The following GMDS variants were observed in gnomAD, a reference collection of about 807,000 sequenced individuals.
GMDS encodes GDP-mannose 4,6-dehydratase.
GMDS carries 20 observed loss-of-function variants against 49.9 expected under a neutral mutation model. That is an observed-to-expected ratio of 0.40 (90% CI 0.28 to 0.58). The LOEUF (loss-of-function observed/expected upper bound fraction) is 0.58. GMDS is among the 20% of genes least tolerant of loss of function. The pLI is 0.42. For synonymous variants in GMDS, 177 were observed against 178.6 expected, an observed-to-expected ratio of 0.99 and a Z score of 0.07; for missense variants, 362 against 481.4, an observed-to-expected ratio of 0.75 and a Z score of 2.32.
At position 1,624,103 on chromosome 6, in the gene GMDS, G is replaced by C; in HGVS notation, c.*66C>G. On this transcript the variant is annotated 3_prime_UTR_variant, in exon 11 of 11. Coordinates refer to ENST00000380815, the MANE Select transcript of GMDS (RefSeq NM_001500.4). ...TGGCACGCCGCTCCCCATCCCCGCA[G>C]CGCGTCTGCACCGGAGACTCTGCGG... 7.0e-7 allele frequency: 1 copy of C among 1,421,336 alleles called. No individual in the cohort carries two copies. The highest frequency in any genetic ancestry group is 9.8e-7 in the Non-Finnish European group (1 of 1,020,020). 88.0% of individuals were successfully genotyped at this position (1,421,336 alleles called of 1,614,324 possible).
rs143256272 is a variant in GMDS, at chr6:1,942,261, C to G, written c.644-12031G>C. Among the ~76,000 whole-genome samples, 231 of 152,332 alleles carry G rather than the reference C, an allele frequency of 1.5e-3. 1 individual carries two copies. Among genetic ancestry groups the G allele is most frequent in the African/African-American group, 5.3e-3 (220 of 41,576 alleles). ...CTCACTCTTCCATTAGTCAACTGCT[C>G]ATCAAGTCCTTCTGAGTCTGTTTCT... is the stretch of plus-strand genomic sequence containing the variant. On this transcript the variant is annotated intron_variant, in intron 6 of 10. Transcript: ENST00000380815.
intron 7 of GMDS, among the ~76,000 whole-genome samples, chr6:1,757,726 C>T (rs1335903138): frequency 1.3e-5 from 2 of 152,158 alleles, no homozygotes; most frequent in Non-Finnish European, 2.9e-5. Flanking sequence ...AACTTATGGA[C>T]ATCACAGTGC....
At chr6:2,174,520 C>T (rs1411813492) in intron 1 of GMDS, among the ~76,000 whole-genome samples, 1 of 152,072 alleles carries the variant, frequency 6.6e-6, no homozygotes, top group South Asian at 2.1e-4. Flanking sequence ...TAGCCACAAA[C>T]AGGAATAGAA....
At chr6:1,906,481 T>A (rs1158177970) in intron 7 of GMDS, among the ~76,000 whole-genome samples, 1 of 152,256 alleles carries the variant, frequency 6.6e-6, no homozygotes, top group Non-Finnish European at 1.5e-5. Flanking sequence ...ATTCTGTCAT[T>A]GCAGTCAGCA....
chr6:1,746,663 T>G (rs1464096453), intron 7 of GMDS, among the ~76,000 whole-genome samples: 1 of 151,738 alleles, frequency 6.6e-6, no homozygotes, highest in Non-Finnish European at 1.5e-5. Context: ...CAAATCCAAT[T>G]TGGAGAAGTA....
chr6:2,005,205 A>C (rs1003777694), intron 4 of GMDS, among the ~76,000 whole-genome samples: 5 of 152,120 alleles, frequency 3.3e-5, no homozygotes, highest in African/African-American at 1.2e-4. Flanking sequence ...TCAAGTCCTT[A>C]CTCAATGGGG....
At chr6:2,119,510 GA>G (rs1477823995) in intron 2 of GMDS, among the ~76,000 whole-genome samples, 1 of 152,268 alleles carries the variant, frequency 6.6e-6, no homozygotes, top group East Asian at 1.9e-4. Flanking sequence ...AAGAACTAAT[GA>G]AAGCTGGGTC....
intron 9 of GMDS, among the ~76,000 whole-genome samples, chr6:1,628,090 G>A (rs1444929463): frequency 6.6e-6 from 1 of 152,210 alleles, no homozygotes; most frequent in Non-Finnish European, 1.5e-5. Context: ...TACATTTACA[G>A]AGCTGCAAAC....
intron 4 of GMDS, among the ~76,000 whole-genome samples, chr6:2,070,488 T>C (rs1381655774): frequency 6.6e-6 from 1 of 152,134 alleles, no homozygotes; most frequent in Non-Finnish European, 1.5e-5. Context: ...GTAATACATA[T>C]CCTTTAAGAT....
At chr6:1,733,486 T>C (rs1766896157) in intron 8 of GMDS, among the ~76,000 whole-genome samples, 3 of 152,230 alleles carry the variant, frequency 2.0e-5, no homozygotes, top group Admixed American at 6.5e-5. Context: ...ACCCCGATTC[T>C]GAAGGGGCCT....
intron 2 of GMDS, among the ~76,000 whole-genome samples, 191 bp downstream of exon 2, chr6:2,124,496 T>C (rs1324082066): frequency 6.6e-6 from 1 of 152,172 alleles, no homozygotes; most frequent in African/African-American, 2.4e-5. Context: ...CCACCAGTGC[T>C]CACCAGCAGA....
intron 8 of GMDS, among the ~76,000 whole-genome samples, chr6:1,738,478 G>A (rs1019829450): frequency 1.3e-5 from 2 of 152,186 alleles, no homozygotes; most frequent in African/African-American, 4.8e-5. Flanking sequence ...TACAGATGGC[G>A]ACACGTGTCA....
At chr6:1,626,516 G>A (rs940734152) in intron 9 of GMDS, among the ~76,000 whole-genome samples, 1 of 152,080 alleles carries the variant, frequency 6.6e-6, no homozygotes. Flanking sequence ...TGCTATAAGC[G>A]TCACACAAAG....
intron 1 of GMDS, among the ~76,000 whole-genome samples, chr6:2,167,361 T>C (rs1375274091): frequency 6.6e-6 from 1 of 152,188 alleles, no homozygotes; most frequent in Non-Finnish European, 1.5e-5. Flanking sequence ...CTGCCTCATC[T>C]AGCTCCTCAT....
chr6:2,068,243 T>C (rs1771746678), intron 4 of GMDS, among the ~76,000 whole-genome samples: 1 of 152,018 alleles, frequency 6.6e-6, no homozygotes, highest in African/African-American at 2.4e-5. Flanking sequence ...TCCCAATAAA[T>C]TAGGTATTGA....
chr6:2,026,590 A>G (rs1024984837), intron 4 of GMDS, among the ~76,000 whole-genome samples: 8 of 152,186 alleles, frequency 5.3e-5, no homozygotes, highest in Non-Finnish European at 2.9e-5. Context: ...CAGTTTTGTA[A>G]TTTGTACATG....
intron 4 of GMDS, among the ~76,000 whole-genome samples, chr6:2,087,257 T>A (rs927249172): frequency 6.6e-6 from 1 of 152,222 alleles, no homozygotes; most frequent in African/African-American, 2.4e-5. Flanking sequence ...AGTAAACCAA[T>A]AGTCAGTTCT....
At chr6:1,726,777 T>A (rs1766607309) in intron 8 of GMDS, among the ~76,000 whole-genome samples, 1 of 152,210 alleles carries the variant, frequency 6.6e-6, no homozygotes. Flanking sequence ...ATGAACAGAT[T>A]AGCCAGAAAA....
chr6:1,843,677 A>T (rs2113751690), intron 7 of GMDS, among the ~76,000 whole-genome samples: 1 of 152,330 alleles, frequency 6.6e-6, no homozygotes, highest in Admixed American at 6.5e-5. Context: ...CTGAGGCACG[A>T]GAATCACTTG....
Sources: gnomAD v4.1 joint callset for allele counts (sites outside exome capture counted in the v4.1 genomes callset) on GRCh38, gnomAD v4.1.1 for gene constraint, MANE v1.5 for transcripts, NCBI Gene and HGNC (gene_info 2026-07-23, HGNC 2026-07-21) for gene names.